Variants in HBS1L observed in about 807,000 individuals in gnomAD.
HBS1L encodes HBS1 like translational GTPase, also known as HBS1-like protein.
Under a neutral mutation model 88.9 loss-of-function variants are expected in HBS1L, and 55 were observed. The ratio of observed to expected loss-of-function variants is 0.62; its 90% CI spans 0.50 to 0.77. The LOEUF (loss-of-function observed/expected upper bound fraction) is 0.77. Among genes scored for constraint, HBS1L ranks in the 30% least tolerant of loss-of-function variants. The probability of loss-of-function intolerance (pLI) is 0.00; values close to 1 mark genes in which losing one functional copy is unlikely to be tolerated. For synonymous variants in HBS1L, 267 were observed against 288.5 expected (o/e 0.93, Z 0.76); for missense variants, 741 against 829.3 (o/e 0.89, Z 1.31).
intron 2 of HBS1L, among the ~76,000 whole-genome samples, chr6:135,044,930 G>A (rs1455699243): frequency 6.6e-6 from 1 of 152,162 alleles, no homozygotes; most frequent in African/African-American, 2.4e-5. Flanking sequence ...TGCCTGCCAG[G>A]AGCTATTTTT....
At position 134,969,237 on chromosome 6, in the gene HBS1L, C is replaced by T; in HGVS notation, c.1898+1G>A. On this transcript the variant is annotated splice_donor_variant, in intron 16 of 17. Transcript: ENST00000367837. LOFTEE classifies it high-confidence loss of function. ...TATCATTTCTGTATTAAAACACTCACTTAGGCTTTTTCTTTGTGACTTCAC... is the reference window on the plus strand; with the variant it reads ...TATCATTTCTGTATTAAAACACTCATTTAGGCTTTTTCTTTGTGACTTCAC... 6.3e-7 allele frequency: 1 copy of T among 1,595,484 alleles called. No individual in the cohort carries two copies. Among genetic ancestry groups the T allele is most frequent in the Non-Finnish European group, 8.6e-7 (1 of 1,163,528 alleles).
Position 135,045,266 on chromosome 6 carries a change from C to G in HBS1L, c.110-3140G>C, listed in dbSNP as rs145591376. Among the ~76,000 whole-genome samples, 761 of 152,168 alleles carry G rather than the reference C, an allele frequency of 5.0e-3. 4 individuals are homozygous for G. Among genetic ancestry groups the G allele is most frequent in the African/African-American group, 0.017 (719 of 41,518 alleles). ...AGTAATGATGAGAAAATGGTAAATACAAAATGCTATTCTCTAAAATTTTAA... is the reference window on the plus strand; with the variant it reads ...AGTAATGATGAGAAAATGGTAAATAGAAAATGCTATTCTCTAAAATTTTAA... On this transcript the variant is annotated intron_variant, in intron 2 of 17. Transcript: ENST00000367837.
At chr6:134,990,322 A>G (rs1245005676) in intron 8 of HBS1L, among the ~76,000 whole-genome samples, 5 of 152,148 alleles carry the variant, frequency 3.3e-5, no homozygotes, top group Non-Finnish European at 7.4e-5. Flanking sequence ...CACAATGTAT[A>G]TCTTCTCTGT....
At chr6:135,031,709 G>T (rs532303650) in intron 4 of HBS1L, among the ~76,000 whole-genome samples, 1 of 151,972 alleles carries the variant, frequency 6.6e-6, no homozygotes, top group Non-Finnish European at 1.5e-5. Flanking sequence ...CCCCTTTGAC[G>T]TAAGAATCAT....
chr6:135,032,082 A>AT (rs1562307873), intron 4 of HBS1L, among the ~76,000 whole-genome samples: 4 of 151,976 alleles, frequency 2.6e-5, no homozygotes, highest in Non-Finnish European at 5.9e-5. Context: ...AAGAATATAT[A>AT]AAATTTTACC....
intron 8 of HBS1L, among the ~76,000 whole-genome samples, chr6:134,988,086 A>G (rs1199567453): frequency 2.0e-5 from 3 of 152,150 alleles, no homozygotes; most frequent in Non-Finnish European, 4.4e-5. Context: ...AACAGCAACC[A>G]GGCACAGTGG....
chr6:134,992,104 CG>C (rs1775156896), intron 8 of HBS1L, among the ~76,000 whole-genome samples: 2 of 152,078 alleles, frequency 1.3e-5, no homozygotes, highest in South Asian at 4.2e-4. Flanking sequence ...TCCCAGAAAA[CG>C]GGTAATTGCT....
chr6:135,020,453 G>C (rs1472163959), intron 4 of HBS1L, among the ~76,000 whole-genome samples: 2 of 151,878 alleles, frequency 1.3e-5, no homozygotes, highest in African/African-American at 4.8e-5. Context: ...CAATGCACTA[G>C]GGACACAATT....
intron 13 of HBS1L, 178 bp downstream of exon 13, chr6:134,982,280 C>T: frequency 3.5e-6 from 2 of 564,922 alleles, no homozygotes; most frequent in Non-Finnish European, 6.4e-6. Context: ...ACAATCACAA[C>T]AGAAAAAAAT....
chr6:134,966,418 C>CTATT lies in HBS1L; in HGVS notation c.1950_1953dup (p.Ala652AsnfsTer4), dbSNP rs1181228556. ...TTAAAGTCTTTATATAGCTCAAGAG[C>CTATT]TATTGGTCTTTGTGTCTGTAGCTCT... On this transcript the variant is annotated frameshift_variant, in exon 17 of 18. Coordinates refer to ENST00000367837, the MANE Select transcript of HBS1L (RefSeq NM_006620.4). LOFTEE classifies it high-confidence loss of function. 6.2e-7 allele frequency: 1 copy of CTATT among 1,612,492 alleles called. No homozygotes were observed. Among genetic ancestry groups the CTATT allele is most frequent in the Non-Finnish European group, 8.5e-7 (1 of 1,178,982 alleles).
At chr6:134,965,776 C>T (rs1774295776) in intron 17 of HBS1L, among the ~76,000 whole-genome samples, 1 of 152,198 alleles carries the variant, frequency 6.6e-6, no homozygotes, top group African/African-American at 2.4e-5. Flanking sequence ...CTCCACCCCA[C>T]ACCGCCTTCC....
chr6:135,011,406 G>A lies in HBS1L; in HGVS notation c.431-8564C>T, dbSNP rs901570557. Among the ~76,000 whole-genome samples, 3 of 152,264 alleles carry A rather than the reference G, an allele frequency of 2.0e-5. No homozygotes were observed. The East Asian group carries it at 5.8e-4, about 29-fold the overall frequency. On this transcript the variant is annotated intron_variant, in intron 4 of 17. Transcript: ENST00000367837. ...GTATTAACATGCACCTGTAGTCCTA[G>A]CTACTCAGGAGGTTGAGATGGGAGG... is the stretch of plus-strand genomic sequence containing the variant.
intron 4 of HBS1L, chr6:135,037,425 A>G: frequency 6.5e-7 from 1 of 1,549,992 alleles, no homozygotes; most frequent in Non-Finnish European, 8.7e-7. Context: ...TTCCAACTTC[A>G]GTTTCTTTAC....
Position 134,982,317 on chromosome 6 carries a change from TCAAC to T in HBS1L, c.1597+137_1597+140del, listed in dbSNP as rs1235863126. The T allele has an allele frequency of 4.2e-5, 25 of 601,396 alleles. No homozygotes were observed. In the Admixed American group the frequency reaches 6.9e-4, roughly 17 times the overall value. 37.3% of individuals were successfully genotyped at this position (601,396 alleles called of 1,614,324 possible). A position where few individuals can be genotyped will look rare whatever the true frequency, so the allele number is the denominator to read the frequency against. On this transcript the variant is annotated intron_variant, in intron 13 of 17. Coordinates refer to ENST00000367837, the MANE Select transcript of HBS1L (RefSeq NM_006620.4). ...GTTTAATGTTTTCACATTTTAATCT[TCAAC>T]AGTCAGTATCATTTTGACAGTCAGT...
Position 134,961,371 on chromosome 6 carries a change from GT to G in HBS1L, c.*3907del, listed in dbSNP as rs1186368162. ...ATTTGTACATACTTAAATGGTTTCAGTGTGAAAAAGCAGCTTCTGACCTAGC... is the reference window on the plus strand; with the variant it reads ...ATTTGTACATACTTAAATGGTTTCAGGTGAAAAAGCAGCTTCTGACCTAGC... On this transcript the variant is annotated 3_prime_UTR_variant, in exon 18 of 18. Coordinates refer to ENST00000367837, the MANE Select transcript of HBS1L (RefSeq NM_006620.4). The G allele has an allele frequency of 2.0e-5, 3 of 152,166 alleles. No homozygotes were observed. The East Asian group carries it at 5.8e-4, about 29-fold the overall frequency. The allele number at this position is 152,166 out of a possible 1,614,324, so 9.4% of individuals were successfully genotyped here. A position where few individuals can be genotyped will look rare whatever the true frequency, so the allele number is the denominator to read the frequency against.
intron 1 of HBS1L, among the ~76,000 whole-genome samples, chr6:135,052,192 G>T (rs776511405): frequency 6.6e-6 from 1 of 151,936 alleles, no homozygotes. Flanking sequence ...GCTACTATTG[G>T]GCAAAAACAT....
chr6:135,041,301 T>A (rs1184865465), intron 3 of HBS1L, among the ~76,000 whole-genome samples: 1 of 151,920 alleles, frequency 6.6e-6, no homozygotes, highest in Non-Finnish European at 1.5e-5. Context: ...GATAAATACA[T>A]CAATTATTGA....
At chr6:134,998,211 T>C (rs1011024713) in intron 5 of HBS1L, among the ~76,000 whole-genome samples, 1 of 152,164 alleles carries the variant, frequency 6.6e-6, no homozygotes, top group African/African-American at 2.4e-5. Flanking sequence ...CTACAACATA[T>C]ACTAGGGACT....
rs771236426 is a variant in HBS1L at position 135,002,700 on chromosome 6, G to A, written c.539+34C>T. 3 of 1,257,316 alleles carry A rather than the reference G, an allele frequency of 2.4e-6. No homozygotes were observed. In the Admixed American group the frequency reaches 5.2e-5, roughly 22 times the overall value. 77.9% of individuals were successfully genotyped at this position (1,257,316 alleles called of 1,614,324 possible). The stretch of plus-strand genomic sequence containing the variant: ...CAGTGATTTCAAAAACTTGGGGGTG[G>A]GGGTGGGGATGAGGGAGGTACTCAA... On this transcript the variant is annotated intron_variant, in intron 5 of 17. Transcript: ENST00000367837.
Sources: gnomAD v4.1 joint callset for allele counts (sites outside exome capture counted in the v4.1 genomes callset) on GRCh38, gnomAD v4.1.1 for gene constraint, MANE v1.5 for transcripts, NCBI Gene and HGNC (gene_info 2026-07-23, HGNC 2026-07-21) for gene names.